KCNQ3: variants seen among roughly 807,000 people sequenced by gnomAD.
KCNQ3 encodes the protein potassium voltage-gated channel subfamily KQT member 3.
KCNQ3 carries 30 observed loss-of-function variants against 92.5 expected under a neutral mutation model. The observed-to-expected ratio is 0.32, with a 90% confidence interval of 0.24 to 0.44. The LOEUF (loss-of-function observed/expected upper bound fraction) is 0.44. Ranked by LOEUF, KCNQ3 falls within the 20% of genes least tolerant of loss-of-function variation. The probability of loss-of-function intolerance (pLI) is 1.00; values close to 1 mark genes in which losing one functional copy is unlikely to be tolerated. For synonymous variants in KCNQ3, 450 were observed against 468.8 expected (o/e 0.96, Z 0.52); for missense variants, 913 against 1,140.3 (o/e 0.80, Z 2.87).
chr8:132,283,322 T>C, intron 1 of KCNQ3, among the ~76,000 whole-genome samples: 1 of 152,168 alleles, frequency 6.6e-6, no homozygotes, highest in East Asian at 1.9e-4. Context: ...GTAGACTCTA[T>C]TCAGCAAAGT....
chr8:132,204,392 C>T (rs551587969), intron 1 of KCNQ3, among the ~76,000 whole-genome samples: 1 of 152,364 alleles, frequency 6.6e-6, no homozygotes, highest in Non-Finnish European at 1.5e-5. Context: ...GATCCACTAG[C>T]AAATGGTGTC....
intron 7 of KCNQ3, among the ~76,000 whole-genome samples, chr8:132,172,018 C>A (rs1464509350): frequency 6.6e-6 from 1 of 151,808 alleles, no homozygotes; most frequent in Admixed American, 6.6e-5. Context: ...AAAAAATTAA[C>A]CAGGTCTAGT....
chr8:132,398,553 T>C (rs1820253803), intron 1 of KCNQ3, among the ~76,000 whole-genome samples: 1 of 152,242 alleles, frequency 6.6e-6, no homozygotes, highest in South Asian at 2.1e-4. Flanking sequence ...GAACTCAACA[T>C]TTCATTAAAG....
chr8:132,322,778 G>A (rs1008555980), intron 1 of KCNQ3, among the ~76,000 whole-genome samples: 88 of 152,164 alleles, frequency 5.8e-4, no homozygotes, highest in Admixed American at 5.4e-3. Flanking sequence ...GTCGGCTCAA[G>A]ACTATACAGG....
chr8:132,271,293 C>T (rs1010490201), intron 1 of KCNQ3, among the ~76,000 whole-genome samples: 23 of 152,334 alleles, frequency 1.5e-4, no homozygotes, highest in Middle Eastern at 3.4e-3. Context: ...GCCTGAAACC[C>T]ACATCATTGT....
chr8:132,145,193 A>G (rs2130951283), intron 9 of KCNQ3, among the ~76,000 whole-genome samples: 1 of 152,334 alleles, frequency 6.6e-6, no homozygotes, highest in Admixed American at 6.5e-5. Context: ...AGGTTGAAAA[A>G]CTGAATGGTA....
chr8:132,479,949 A>AACACACACACACACACACACACACACAC, intron 1 of KCNQ3, among the ~76,000 whole-genome samples, 198 bp downstream of exon 1: 1 of 137,094 alleles, frequency 7.3e-6, no homozygotes, highest in Non-Finnish European at 1.6e-5. Flanking sequence ...GGAGAGCGGC[A>AACACACACACACACACACACACACACAC]ACACACACAC....
At chr8:132,201,602 A>C (rs879485837) in intron 1 of KCNQ3, among the ~76,000 whole-genome samples, 3 of 152,222 alleles carry the variant, frequency 2.0e-5, no homozygotes, top group Non-Finnish European at 4.4e-5. Context: ...TCAACAGCAC[A>C]GATATTAAAC....
At chr8:132,320,031 G>A (rs1817855020) in intron 1 of KCNQ3, among the ~76,000 whole-genome samples, 2 of 152,160 alleles carry the variant, frequency 1.3e-5, no homozygotes, top group Admixed American at 1.3e-4. Context: ...ATGAATAAAT[G>A]CTAGATATGA....
At chr8:132,183,549 C>T (rs1826862726) in intron 3 of KCNQ3, among the ~76,000 whole-genome samples, 1 of 152,154 alleles carries the variant, frequency 6.6e-6, no homozygotes, top group African/African-American at 2.4e-5. Flanking sequence ...CTACCTGTCA[C>T]TCAAGGAGAT....
chr8:132,255,689 C>T (rs546146406), intron 1 of KCNQ3, among the ~76,000 whole-genome samples: 204 of 152,268 alleles, frequency 1.3e-3, no homozygotes, highest in African/African-American at 4.9e-3. Flanking sequence ...ACACAGAGAC[C>T]TTTATCAATG....
chr8:132,269,873 G>C (rs984532449), intron 1 of KCNQ3, among the ~76,000 whole-genome samples: 8 of 152,162 alleles, frequency 5.3e-5, no homozygotes, highest in Non-Finnish European at 1.5e-5. Flanking sequence ...ATAAATATTT[G>C]TTGAAATAAA....
At chr8:132,358,443 G>C (rs1819074637) in intron 1 of KCNQ3, among the ~76,000 whole-genome samples, 1 of 152,180 alleles carries the variant, frequency 6.6e-6, no homozygotes, top group South Asian at 2.1e-4. Flanking sequence ...AGAATATCTA[G>C]AGGAAGAAGT....
intron 1 of KCNQ3, among the ~76,000 whole-genome samples, chr8:132,352,097 T>G (rs922881383): frequency 6.6e-6 from 1 of 152,110 alleles, no homozygotes; most frequent in African/African-American, 2.4e-5. Context: ...CCATGCATTG[T>G]GAGGGTGGCA....
At chr8:132,291,810 A>T (rs970737262) in intron 1 of KCNQ3, among the ~76,000 whole-genome samples, 4 of 152,228 alleles carry the variant, frequency 2.6e-5, no homozygotes, top group Non-Finnish European at 4.4e-5. Flanking sequence ...ACCTTATGGG[A>T]CAAAATAACT....
chr8:132,178,159 G>A (rs1278676174), intron 4 of KCNQ3, among the ~76,000 whole-genome samples: 1 of 152,236 alleles, frequency 6.6e-6, no homozygotes, highest in Non-Finnish European at 1.5e-5. Flanking sequence ...CACCAGTGTT[G>A]ACCAGAACTG....
chr8:132,446,324 A>G (rs1358402516), intron 1 of KCNQ3, among the ~76,000 whole-genome samples: 1 of 152,232 alleles, frequency 6.6e-6, no homozygotes, highest in Non-Finnish European at 1.5e-5. Flanking sequence ...CAGCTTGGCA[A>G]ACTGCATCAT....
chr8:132,190,615 T>C (rs145756923), intron 1 of KCNQ3, among the ~76,000 whole-genome samples: 1 of 152,170 alleles, frequency 6.6e-6, no homozygotes, highest in African/African-American at 2.4e-5. Context: ...TCATGGGATA[T>C]TGGGGAGTCC....
intron 1 of KCNQ3, among the ~76,000 whole-genome samples, chr8:132,195,565 G>A (rs907105525): frequency 5.3e-5 from 8 of 152,040 alleles, no homozygotes; most frequent in East Asian, 1.9e-4. Context: ...TGTAGTCATC[G>A]GTACATGCCT....
Sources: allele counts gnomAD v4.1 joint callset (sites outside exome capture counted in the v4.1 genomes callset), GRCh38; gene constraint gnomAD v4.1.1; transcripts MANE v1.5; gene names NCBI Gene and HGNC (gene_info 2026-07-23, HGNC 2026-07-21).